Variants in SUCO observed in about 807,000 individuals in gnomAD.
The protein encoded by SUCO is SUN domain containing ossification factor, also known as SUN domain-containing ossification factor.
In SUCO, 57 loss-of-function variants were observed where a neutral mutation model predicts 148.1. The observed-to-expected ratio is 0.38, with a 90% CI of 0.31 to 0.48. The LOEUF is 0.48. Among genes scored for constraint, SUCO ranks in the 20% least tolerant of loss-of-function variants. The pLI is 0.96. For synonymous variants in SUCO, 470 were observed against 502.7 expected (o/e 0.93, Z 0.87); for missense variants, 1,331 against 1,468.2 (o/e 0.91, Z 1.53).
At chr1:172,573,422 C>T (rs1655191980) in intron 9 of SUCO, among the ~76,000 whole-genome samples, 1 of 152,060 alleles carries the variant, frequency 6.6e-6, no homozygotes, top group South Asian at 2.1e-4. Flanking sequence ...CCCTTATAGA[C>T]TGTGTGTACT....
Position 172,610,298 on chromosome 1 carries a change from T to C in SUCO, c.*39T>C, listed in dbSNP as rs774929879. 6.5e-7 allele frequency: 1 copy of C among 1,534,218 alleles called. No homozygotes were observed. ...TTTCATACAGAAGACTTTTTTGTTG[T>C]TGTTCTTTGAAGAACAGTCTGTAGT... On this transcript the variant is annotated 3_prime_UTR_variant, in exon 24 of 24. Coordinates refer to ENST00000263688, the MANE Select transcript of SUCO (RefSeq NM_014283.5).
In SUCO at chr1:172,589,980, A is replaced by G. The variant is rs1420791133; in HGVS notation, c.2825+54A>G. 15 of 1,389,618 alleles carry G rather than the reference A, an allele frequency of 1.1e-5. No homozygotes were observed. In the East Asian group the frequency reaches 2.5e-4, roughly 23 times the overall value. The allele number at this position is 1,389,618 out of a possible 1,614,324, so 86.1% of individuals were successfully genotyped here. A position where few individuals can be genotyped will look rare whatever the true frequency, so the allele number is the denominator to read the frequency against. ...AGCTTCACACAGTGAGTTAAGCAGC[A>G]TAGAGTATGACCTGTGATTACAGGA... On this transcript the variant is annotated intron_variant, in intron 18 of 23. Coordinates refer to ENST00000263688, the MANE Select transcript of SUCO (RefSeq NM_014283.5).
At chr1:172,591,272 T>C (rs1024764687) in intron 19 of SUCO, among the ~76,000 whole-genome samples, 4 of 151,910 alleles carry the variant, frequency 2.6e-5, no homozygotes, top group Non-Finnish European at 5.9e-5. Flanking sequence ...AAGATTTGTT[T>C]AATTTTTTTT....
At chr1:172,578,067 C>T (rs375875163) in intron 13 of SUCO, among the ~76,000 whole-genome samples, 1 of 151,614 alleles carries the variant, frequency 6.6e-6, no homozygotes, top group Non-Finnish European at 1.5e-5. Context: ...TACACAGAAA[C>T]GTTTTAGACT....
At chr1:172,552,400 A>C (rs892226027) in intron 2 of SUCO, among the ~76,000 whole-genome samples, 1 of 151,762 alleles carries the variant, frequency 6.6e-6, no homozygotes, top group Non-Finnish European at 1.5e-5. Flanking sequence ...TTTCATGTTG[A>C]TATATTCTGA....
At chr1:172,563,214 G>T (rs2149239641) in intron 6 of SUCO, among the ~76,000 whole-genome samples, 1 of 152,306 alleles carries the variant, frequency 6.6e-6, no homozygotes, top group Middle Eastern at 3.4e-3. Flanking sequence ...TGTTAAAAAG[G>T]TACTTGAAAA....
At chr1:172,598,262 A>G (rs1218718713) in intron 19 of SUCO, among the ~76,000 whole-genome samples, 1 of 152,144 alleles carries the variant, frequency 6.6e-6, no homozygotes, top group African/African-American at 2.4e-5. Context: ...TTAACCATAT[A>G]TATGTGGGTC....
chr1:172,551,841 A>G (rs1653325428), intron 2 of SUCO: 1 of 462,098 alleles, frequency 2.2e-6, no homozygotes, highest in Non-Finnish European at 3.9e-6. Context: ...ATTTTGTAAC[A>G]TCCTTAGTCC....
At chr1:172,549,082 C>T (rs188314132) in intron 1 of SUCO, among the ~76,000 whole-genome samples, 21 of 151,666 alleles carry the variant, frequency 1.4e-4, no homozygotes, top group African/African-American at 4.3e-4. Context: ...TAATGTTTTC[C>T]ATCTTGTTTG....
chr1:172,591,500 A>G (rs892178332), intron 19 of SUCO, among the ~76,000 whole-genome samples: 3 of 136,638 alleles, frequency 2.2e-5, no homozygotes, highest in Admixed American at 1.8e-4. Flanking sequence ...TCATTGTTCA[A>G]TTCCCACCTA....
chr1:172,550,951 T>C (rs1271999125), intron 1 of SUCO: 2 of 809,400 alleles, frequency 2.5e-6, no homozygotes, highest in African/African-American at 1.9e-5. Flanking sequence ...ATATTTCTCC[T>C]TTGGTATGTT....
At chr1:172,583,267 G>T (rs1200309292) in intron 15 of SUCO, among the ~76,000 whole-genome samples, 1 of 152,034 alleles carries the variant, frequency 6.6e-6, no homozygotes, top group African/African-American at 2.4e-5. Flanking sequence ...AAGAATTAAG[G>T]CCACTTCTGT....
chr1:172,592,745 G>C (rs1656763972), intron 19 of SUCO, among the ~76,000 whole-genome samples: 1 of 152,186 alleles, frequency 6.6e-6, no homozygotes, highest in South Asian at 2.1e-4. Context: ...GCTTAGGATT[G>C]TCTTGGCAAT....
intron 1 of SUCO, among the ~76,000 whole-genome samples, chr1:172,547,645 C>G (rs977361954): frequency 7.9e-5 from 12 of 152,072 alleles, no homozygotes; most frequent in African/African-American, 2.7e-4. Flanking sequence ...AAATAAAGCT[C>G]CAGAACTGTT....
chr1:172,572,042 CCCCGCCCGG>C (rs1655041083), intron 9 of SUCO, among the ~76,000 whole-genome samples: 1 of 74,456 alleles, frequency 1.3e-5, no homozygotes, highest in African/African-American at 6.3e-5. Flanking sequence ...GGGGTCAGCC[CCCCGCCCGG>C]CCAGCCGCCC....
intron 22 of SUCO, chr1:172,603,112 A>G (rs1657640288): frequency 9.3e-6 from 2 of 215,174 alleles, no homozygotes; most frequent in African/African-American, 2.3e-5. Context: ...ATGTGCTCCC[A>G]TAGCATCCTG....
At chr1:172,550,283 T>G (rs1653192352) in intron 1 of SUCO, among the ~76,000 whole-genome samples, 1 of 152,040 alleles carries the variant, frequency 6.6e-6, no homozygotes. Context: ...ATTGTGAAAT[T>G]GACACTTTTT....
chr1:172,559,631 C>G lies in SUCO; in HGVS notation c.732+1837C>G, dbSNP rs549822627. On this transcript the variant is annotated intron_variant, in intron 6 of 23. Transcript: ENST00000263688. ...CCAGAATAGCAGCTCAGAAGCAGTT[C>G]TGCAGTCATGCTTATATACAATTTT... 3.3e-5 allele frequency among the ~76,000 whole-genome samples: 5 copies of G among 152,316 alleles called. No homozygotes were observed. In the East Asian group the frequency reaches 9.6e-4, roughly 29 times the overall value.
At chr1:172,575,749 AT>A in intron 11 of SUCO, 126 bp downstream of exon 11, 1 of 531,018 alleles carries the variant, frequency 1.9e-6, no homozygotes, top group Non-Finnish European at 3.2e-6. Flanking sequence ...CACTTAATAG[AT>A]AATTCTTACT....
Sources: allele counts gnomAD v4.1 joint callset (sites outside exome capture counted in the v4.1 genomes callset), GRCh38; gene constraint gnomAD v4.1.1; transcripts MANE v1.5; gene names NCBI Gene and HGNC (gene_info 2026-07-23, HGNC 2026-07-21).